CHD6: variants seen among roughly 807,000 people sequenced by gnomAD.
The protein encoded by CHD6 is ATP-dependent chromatin remodeler CHD6.
A neutral mutation model predicts 276.9 loss-of-function variants in CHD6; 50 were observed. The observed-to-expected ratio is 0.18, with a 90% CI of 0.14 to 0.23. CHD6 has a LOEUF of 0.23. Among genes scored for constraint, CHD6 ranks in the 10% least tolerant of loss-of-function variants. CHD6 has a pLI of 1.00. For synonymous variants in CHD6, 1,173 were observed against 1,229.3 expected, an observed-to-expected ratio of 0.95 and a Z score of 0.96; for missense variants, 2,564 against 3,365.8, an observed-to-expected ratio of 0.76 and a Z score of 5.89.
At chr20:41,569,834 G>C (rs2903375) in intron 1 of CHD6, among the ~76,000 whole-genome samples, 57,131 of 151,986 alleles carry the variant, frequency 0.38, 13,301 homozygotes, top group African/African-American at 0.64. Flanking sequence ...GAGGATGTGA[G>C]TAGGTTATAG....
rs751140961 is a variant in CHD6, at chr20:41,498,138, A to G, written c.974+30T>C. On this transcript the variant is annotated intron_variant, in intron 7 of 36. Coordinates refer to ENST00000373233, the MANE Select transcript of CHD6 (RefSeq NM_032221.5). ...AAAAAGTTTTATTCATATAAAACCCAAATACAGAGAATACTTTAAATAGAC... is the reference window on the plus strand; with the variant it reads ...AAAAAGTTTTATTCATATAAAACCCGAATACAGAGAATACTTTAAATAGAC... 4 of 1,526,082 alleles carry G rather than the reference A, an allele frequency of 2.6e-6. No homozygotes were observed. In the South Asian group the frequency reaches 4.6e-5, roughly 18 times the overall value. The allele number at this position is 1,526,082 out of a possible 1,614,324, so 94.5% of individuals were successfully genotyped here.
chr20:41,504,554 C>T (rs2043930840), intron 5 of CHD6, among the ~76,000 whole-genome samples: 1 of 151,910 alleles, frequency 6.6e-6, no homozygotes, highest in African/African-American at 2.4e-5. Context: ...GGACTACAGG[C>T]ACAAGCCACC....
intron 36 of CHD6, among the ~76,000 whole-genome samples, chr20:41,408,119 T>C (rs6016557): frequency 1.3e-5 from 2 of 151,490 alleles, no homozygotes; most frequent in Admixed American, 6.6e-5. Context: ...AGCTTCATGA[T>C]GGCAACTTTA....
At chr20:41,423,731 C>T (rs1386206469) in intron 29 of CHD6, 31 bp from the exon 30 acceptor site, 1 of 1,575,670 alleles carries the variant, frequency 6.3e-7, no homozygotes, top group Non-Finnish European at 8.7e-7. Flanking sequence ...GAAGAGTGAG[C>T]TCTTTCTTCT....
chr20:41,452,880 C>T lies in CHD6; in HGVS notation c.3183G>A (p.Glu1061=), dbSNP rs1048126603. ...CTGAAAACTCCATGAGCTCGTCTTC[C>T]TCAAACGAGTTGTAGTGTTTGGTCT... is the stretch of plus-strand genomic sequence containing the variant. The part of the protein sequence containing the change: ...RKQTKHYNSF[E]EDELMEFSEL... Residue 1061 remains glutamate (E), a synonymous_variant, in exon 21 of 37, where the codon GAG becomes GAA. Coordinates refer to ENST00000373233, the MANE Select transcript of CHD6 (RefSeq NM_032221.5). This position sits in a 1 kb window ranked among gnomAD's most constrained non-coding sequence, Gnocchi z 4.2. The T allele has an allele frequency of 1.2e-6, 2 of 1,613,580 alleles. No homozygotes were observed. The highest frequency in any genetic ancestry group is 1.7e-6 in the Non-Finnish European group (2 of 1,179,948).
In CHD6 at chr20:41,473,145, G is replaced by A. The variant is rs904728801; in HGVS notation, c.2664+177C>T. ...AAGAACCACACTCTCTAATTAGTTGGAAGGGTCGACATTTACTTTTCATTC... is the reference window on the plus strand; with the variant it reads ...AAGAACCACACTCTCTAATTAGTTGAAAGGGTCGACATTTACTTTTCATTC... On this transcript the variant is annotated intron_variant, in intron 17 of 36. Transcript: ENST00000373233. The surrounding 1 kb of genome is among the most constrained non-coding windows in gnomAD (Gnocchi z 4.1). The A allele has an allele frequency of 4.2e-5, 23 of 552,902 alleles. No individual in the cohort carries two copies. Among genetic ancestry groups the A allele is most frequent in the Non-Finnish European group, 7.0e-5 (22 of 314,678 alleles). 34.2% of individuals were successfully genotyped at this position (552,902 alleles called of 1,614,324 possible).
At chr20:41,477,644 A>G (rs2043196993) in intron 16 of CHD6, among the ~76,000 whole-genome samples, 1 of 152,200 alleles carries the variant, frequency 6.6e-6, no homozygotes, top group African/African-American at 2.4e-5. Flanking sequence ...CCCTTCCCCA[A>G]TTAAATCCAC....
At chr20:41,514,201 G>C (rs965305473) in intron 4 of CHD6, among the ~76,000 whole-genome samples, 4 of 152,238 alleles carry the variant, frequency 2.6e-5, no homozygotes, top group Non-Finnish European at 4.4e-5. Flanking sequence ...CCTTGCAGCA[G>C]AGTGGCTCAG....
chr20:41,604,420 A>G (rs2045806061), intron 1 of CHD6, among the ~76,000 whole-genome samples: 1 of 152,218 alleles, frequency 6.6e-6, no homozygotes, highest in Non-Finnish European at 1.5e-5. Flanking sequence ...TTAAAACCCC[A>G]GGAACTACAT....
chr20:41,467,654 C>A (rs1295788662), intron 17 of CHD6, among the ~76,000 whole-genome samples: 2 of 149,534 alleles, frequency 1.3e-5, no homozygotes, highest in Admixed American at 6.7e-5. Flanking sequence ...CTGCTTGAGG[C>A]CAGGGGTTTG....
intron 3 of CHD6, among the ~76,000 whole-genome samples, chr20:41,522,042 T>G (rs555729974): frequency 6.6e-6 from 1 of 152,122 alleles, no homozygotes; most frequent in Non-Finnish European, 1.5e-5. Context: ...GAAGTGGTAG[T>G]TAGAAAATAA....
intron 3 of CHD6, among the ~76,000 whole-genome samples, chr20:41,523,523 G>A (rs1279808012): frequency 6.6e-6 from 1 of 152,108 alleles, no homozygotes; most frequent in Non-Finnish European, 1.5e-5. Flanking sequence ...CATACATGTA[G>A]GACAACTATT....
intron 31 of CHD6, among the ~76,000 whole-genome samples, chr20:41,418,459 A>T (rs1193289867): frequency 6.6e-6 from 1 of 152,170 alleles, no homozygotes; most frequent in East Asian, 1.9e-4. Context: ...AAGCACAAAG[A>T]TGAGGCTAGA....
At chr20:41,535,611 C>T (rs1568685543) in intron 2 of CHD6, among the ~76,000 whole-genome samples, 1 of 152,132 alleles carries the variant, frequency 6.6e-6, no homozygotes, top group Non-Finnish European at 1.5e-5. Flanking sequence ...GTAATACCAG[C>T]ACTTTGGGAG....
chr20:41,514,769 C>T (rs761798941), intron 4 of CHD6, 36 bp downstream of exon 4: 11 of 1,608,636 alleles, frequency 6.8e-6, no homozygotes, highest in East Asian at 4.5e-5. Context: ...ATCCAGGAGC[C>T]GTAATCTCCA....
chr20:41,451,696 A>G (rs2145663142), intron 22 of CHD6, 130 bp downstream of exon 22: 3 of 771,414 alleles, frequency 3.9e-6, no homozygotes, highest in Middle Eastern at 3.3e-4. Flanking sequence ...ATCTTTTCCC[A>G]CTGGTAACAT....
chr20:41,435,585 A>G (rs529053981), intron 27 of CHD6, among the ~76,000 whole-genome samples: 1 of 147,238 alleles, frequency 6.8e-6, no homozygotes, highest in South Asian at 2.2e-4. Context: ...GTCTAGGTGA[A>G]AGAGTGAGAC....
At chr20:41,566,147 C>T (rs912900361) in intron 1 of CHD6, among the ~76,000 whole-genome samples, 2 of 152,168 alleles carry the variant, frequency 1.3e-5, no homozygotes, top group Non-Finnish European at 2.9e-5. Flanking sequence ...TGAGGTGACA[C>T]CCCACATAAT....
intron 1 of CHD6, among the ~76,000 whole-genome samples, chr20:41,556,270 G>C (rs1476001238): frequency 6.6e-6 from 1 of 151,466 alleles, no homozygotes; most frequent in Non-Finnish European, 1.5e-5. Context: ...GGGAGACCGT[G>C]GGGAGACGGG....
Sources: allele counts gnomAD v4.1 joint callset (sites outside exome capture counted in the v4.1 genomes callset), GRCh38; gene constraint gnomAD v4.1.1; non-coding constraint Gnocchi (gnomAD v3.1); transcripts MANE v1.5; gene names NCBI Gene and HGNC (gene_info 2026-07-23, HGNC 2026-07-21).